Variants in DDX60 observed in about 807,000 individuals in gnomAD.
DDX60 encodes the protein DExD/H-box helicase 60.
Under a neutral mutation model 212.8 loss-of-function variants are expected in DDX60, and 165 were observed. The ratio of observed to expected loss-of-function variants is 0.78; its 90% confidence interval spans 0.68 to 0.88. The LOEUF (loss-of-function observed/expected upper bound fraction) is 0.88, where lower values mean the gene tolerates loss of function less well. DDX60 is among the 40% of genes least tolerant of loss of function. The pLI, the probability that DDX60 is intolerant of heterozygous loss-of-function variation, is 0.00. For synonymous variants in DDX60, 703 were observed against 685.3 expected, an observed-to-expected ratio of 1.03 and a Z score of -0.40; for missense variants, 1,905 against 2,003.9, an observed-to-expected ratio of 0.95 and a Z score of 0.94.
intron 35 of DDX60, 31 bp downstream of exon 35, chr4:168,224,212 C>T (rs746351241): frequency 1.9e-6 from 3 of 1,610,020 alleles, no homozygotes; most frequent in Non-Finnish European, 2.5e-6. Context: ...TCTTAAACAG[C>T]TTTTATTAAT....
chr4:168,248,706 A>G (rs1647165015), intron 28 of DDX60, among the ~76,000 whole-genome samples: 2 of 152,000 alleles, frequency 1.3e-5, no homozygotes, highest in South Asian at 2.1e-4. Context: ...AGCAAGATTC[A>G]TTATTGTATC....
At chr4:168,259,977 T>TA (rs1734560246) in intron 25 of DDX60, among the ~76,000 whole-genome samples, 2 of 151,666 alleles carry the variant, frequency 1.3e-5, no homozygotes, top group Non-Finnish European at 2.9e-5. Flanking sequence ...CAAGGCTAAA[T>TA]AAAAAATAAT....
At chr4:168,307,959 T>C in intron 4 of DDX60, 47 bp downstream of exon 4, 1 of 1,176,188 alleles carries the variant, frequency 8.5e-7, no homozygotes, top group Non-Finnish European at 1.1e-6. Context: ...TAGGAAATTT[T>C]AGTTTTAGTT....
intron 23 of DDX60, 58 bp from the exon 24 acceptor site, chr4:168,262,186 T>G (rs911868496): frequency 1.5e-5 from 23 of 1,539,134 alleles, no homozygotes; most frequent in Non-Finnish European, 2.0e-5. Flanking sequence ...CAAAAGTATT[T>G]CTCAATTATA....
chr4:168,247,516 TG>T (rs1734063199), intron 29 of DDX60, among the ~76,000 whole-genome samples: 2 of 152,182 alleles, frequency 1.3e-5, no homozygotes, highest in African/African-American at 2.4e-5. Context: ...AACCTGCATG[TG>T]GGTGACATAT....
intron 14 of DDX60, 52 bp from the exon 15 acceptor site, chr4:168,276,233 C>A: frequency 1.4e-6 from 2 of 1,415,238 alleles, no homozygotes; most frequent in East Asian, 2.4e-5. Flanking sequence ...AAAAATAATT[C>A]ATTTGATTAC....
At chr4:168,295,688 C>T (rs142777911) in intron 6 of DDX60, among the ~76,000 whole-genome samples, 2 of 152,212 alleles carry the variant, frequency 1.3e-5, no homozygotes, top group African/African-American at 4.8e-5. Context: ...AACAGTATTT[C>T]GAAGGTATAT....
At chr4:168,228,448 A>G (rs979492569) in intron 33 of DDX60, among the ~76,000 whole-genome samples, 1 of 151,944 alleles carries the variant, frequency 6.6e-6, no homozygotes, top group African/African-American at 2.4e-5. Flanking sequence ...ACCACTCATT[A>G]TATATTTTTT....
At position 168,291,867 on chromosome 4, in the gene DDX60, A is replaced by T; in HGVS notation, c.922T>A (p.Leu308Met). 1 of 1,613,040 alleles carries T rather than the reference A, an allele frequency of 6.2e-7. No homozygotes were observed. The highest frequency in any genetic ancestry group is 8.5e-7 in the Non-Finnish European group (1 of 1,179,646). The change falls in exon 8 of 38, where the codon TTG becomes ATG. Residue 308 changes from leucine to methionine, a missense_variant. Leu to Met is a conservative substitution (Grantham distance 15). Transcript: ENST00000393743. ...ACAGTGAGACAATGCAGTTTACACA[A>T]ATCTTCCATCTCCTGCAGGGTTAAG... is the stretch of plus-strand genomic sequence containing the variant. Reference protein sequence around the residue: ...NCLTLQEMEDLCKLHCLTVVF... With the variant: ...NCLTLQEMEDMCKLHCLTVVF...
intron 9 of DDX60, among the ~76,000 whole-genome samples, chr4:168,287,840 G>A (rs929952894): frequency 6.6e-6 from 1 of 152,028 alleles, no homozygotes; most frequent in Non-Finnish European, 1.5e-5. Flanking sequence ...TATCTCAATA[G>A]TAGTGAAATA....
intron 19 of DDX60, among the ~76,000 whole-genome samples, chr4:168,269,370 G>A (rs1734990437): frequency 6.6e-6 from 1 of 152,134 alleles, no homozygotes; most frequent in Admixed American, 6.5e-5. Flanking sequence ...AGGCCGAGGA[G>A]GGCGGATCAC....
At chr4:168,317,596 A>T (rs552867388) in intron 1 of DDX60, among the ~76,000 whole-genome samples, 1 of 152,276 alleles carries the variant, frequency 6.6e-6, no homozygotes, top group South Asian at 2.1e-4. Context: ...GGTGGGTTAA[A>T]ATGGCTTCCA....
intron 30 of DDX60, among the ~76,000 whole-genome samples, chr4:168,246,001 C>A (rs1321264889): frequency 6.6e-6 from 1 of 152,074 alleles, no homozygotes; most frequent in African/African-American, 2.4e-5. Flanking sequence ...CCCACATACT[C>A]CTAAGTTTGA....
intron 16 of DDX60, 32 bp downstream of exon 16, chr4:168,275,313 T>C: frequency 3.8e-6 from 6 of 1,562,858 alleles, no homozygotes; most frequent in Admixed American, 1.9e-5. Context: ...AATAAGAAAA[T>C]ACAGTAATTT....
At chr4:168,289,002 G>T (rs1735977321) in intron 8 of DDX60, among the ~76,000 whole-genome samples, 2 of 152,150 alleles carry the variant, frequency 1.3e-5, no homozygotes, top group African/African-American at 4.8e-5. Flanking sequence ...GCTGACTATG[G>T]GCTGATCAGC....
Position 168,216,835 on chromosome 4 carries a change from T to C in DDX60, c.*98A>G. 1.4e-6 allele frequency: 1 copy of C among 706,050 alleles called. No individual in the cohort carries two copies. 43.7% of individuals were successfully genotyped at this position (706,050 alleles called of 1,614,324 possible). A position where few individuals can be genotyped will look rare whatever the true frequency, so the allele number is the denominator to read the frequency against. ...ACTTCATCGTAATGTATTTCCACTT[T>C]ATCATAATGTATTTCTGGCAAGAAG... On this transcript the variant is annotated 3_prime_UTR_variant, in exon 38 of 38. Transcript: ENST00000393743.
At chr4:168,224,725 T>C (rs1041944134) in intron 34 of DDX60, among the ~76,000 whole-genome samples, 1 of 152,078 alleles carries the variant, frequency 6.6e-6, no homozygotes, top group African/African-American at 2.4e-5. Context: ...GAACTCAGAA[T>C]TGCCTTCAGA....
At chr4:168,295,836 G>C (rs1052841633) in intron 6 of DDX60, among the ~76,000 whole-genome samples, 1 of 152,104 alleles carries the variant, frequency 6.6e-6, no homozygotes, top group Admixed American at 6.5e-5. Context: ...TTAAAACGGG[G>C]GGAAATCCTG....
At chr4:168,304,724 A>T (rs1736802194) in intron 5 of DDX60, among the ~76,000 whole-genome samples, 1 of 152,122 alleles carries the variant, frequency 6.6e-6, no homozygotes, top group South Asian at 2.1e-4. Flanking sequence ...GAAGGAAAAT[A>T]TTTTTGTACA....
Sources: gnomAD v4.1 joint callset for allele counts (sites outside exome capture counted in the v4.1 genomes callset) on GRCh38, gnomAD v4.1.1 for gene constraint, MANE v1.5 for transcripts, NCBI Gene and HGNC (gene_info 2026-07-23, HGNC 2026-07-21) for gene names.